The following TRPV3 variants were observed in gnomAD, a reference collection of about 807,000 sequenced individuals.
TRPV3 encodes transient receptor potential cation channel subfamily V member 3.
In TRPV3, 88 loss-of-function variants were observed where a neutral mutation model predicts 87.1. The ratio of observed to expected loss-of-function variants is 1.01; its 90% CI spans 0.85 to 1.21. The LOEUF is 1.21. Among genes scored for constraint, TRPV3 ranks in the 50% most tolerant of loss-of-function variants. TRPV3 has a pLI of 0.00. For synonymous variants in TRPV3, 438 were observed against 423.3 expected, an observed-to-expected ratio of 1.03 and a Z score of -0.43; for missense variants, 1,054 against 1,030.1, an observed-to-expected ratio of 1.02 and a Z score of -0.32.
chr17:3,529,331 C>T (rs542819004), intron 9 of TRPV3, among the ~76,000 whole-genome samples: 5 of 151,972 alleles, frequency 3.3e-5, no homozygotes, highest in African/African-American at 9.7e-5. Flanking sequence ...TAGGACAGAC[C>T]CTGACCCTCT....
At chr17:3,520,685 G>T (rs2074237537) in intron 14 of TRPV3, among the ~76,000 whole-genome samples, 1 of 152,128 alleles carries the variant, frequency 6.6e-6, no homozygotes, top group Admixed American at 6.5e-5. Context: ...GCTTGATTAG[G>T]AGATATACCT....
In TRPV3 at chr17:3,554,809, C is replaced by T. The variant is rs2074612025; in HGVS notation, c.42G>A (p.Lys14=). 2 of 1,612,808 alleles carry T rather than the reference C, an allele frequency of 1.2e-6. No homozygotes were observed. The highest frequency in any genetic ancestry group is 1.7e-6 in the Non-Finnish European group (2 of 1,179,570). The change falls in exon 2 of 18, where the codon AAG becomes AAA. Residue 14 remains lysine (K), a synonymous_variant. Coordinates refer to ENST00000576742, the MANE Select transcript of TRPV3 (RefSeq NM_145068.4). ...GGTTCCCACTGGGGGCAGCAACTCT[C>T]TTGCCCATGAGAGGCACCATCTCCT... ...HPKEMVPLMG[K]RVAAPSGNPA... is the part of the protein sequence containing the mutation.
At chr17:3,526,772 T>C (rs1043790885) in intron 12 of TRPV3, 82 bp downstream of exon 12, 1 of 1,128,236 alleles carries the variant, frequency 8.9e-7, no homozygotes, top group Non-Finnish European at 1.3e-6. Flanking sequence ...AGGATATTTG[T>C]TCAAGAGGCG....
At chr17:3,541,333 A>C (rs183267150) in intron 6 of TRPV3, among the ~76,000 whole-genome samples, 1 of 152,180 alleles carries the variant, frequency 6.6e-6, no homozygotes, top group Non-Finnish European at 1.5e-5. Flanking sequence ...GCGCCACTGC[A>C]CTCCAGCCTA....
intron 2 of TRPV3, among the ~76,000 whole-genome samples, chr17:3,547,616 T>G (rs532091023): frequency 3.3e-5 from 5 of 151,730 alleles, no homozygotes; most frequent in Non-Finnish European, 7.4e-5. Flanking sequence ...GGGAGACTCC[T>G]CTAGAAAAAA....
At chr17:3,538,174 G>C (rs375850483) in intron 6 of TRPV3, among the ~76,000 whole-genome samples, 2 of 150,812 alleles carry the variant, frequency 1.3e-5, no homozygotes, top group Non-Finnish European at 2.9e-5. Context: ...CTGGGCAATA[G>C]AGCAAGACCC....
intron 17 of TRPV3, 27 bp from the exon 18 acceptor site, chr17:3,514,038 A>T: frequency 6.5e-7 from 1 of 1,529,876 alleles, no homozygotes; most frequent in Non-Finnish European, 9.0e-7. Context: ...TATATATTTT[A>T]GAAATATATC....
chr17:3,515,381 C>T (rs1465480693), intron 16 of TRPV3, among the ~76,000 whole-genome samples: 1 of 152,128 alleles, frequency 6.6e-6, no homozygotes, highest in Non-Finnish European at 1.5e-5. Flanking sequence ...GTTCATGGGG[C>T]CGGGCACCGT....
At chr17:3,516,054 C>T (rs1032409820) in intron 16 of TRPV3, among the ~76,000 whole-genome samples, 10 of 151,956 alleles carry the variant, frequency 6.6e-5, no homozygotes, top group African/African-American at 2.2e-4. Flanking sequence ...GGGGTGGTGG[C>T]GCATGCCTGT....
chr17:3,514,470 A>G, intron 17 of TRPV3, 123 bp downstream of exon 17: 2 of 700,602 alleles, frequency 2.9e-6, no homozygotes, highest in African/African-American at 1.8e-5. Context: ...AGACCTAAGA[A>G]GCATTTCCAT....
Position 3,512,880 on chromosome 17 carries a change from A to C in TRPV3, c.*1037T>G, listed in dbSNP as rs934742481. The C allele has an allele frequency of 2.0e-5, 3 of 152,322 alleles. No individual in the cohort carries two copies. Among genetic ancestry groups the C allele is most frequent in the Non-Finnish European group, 4.4e-5 (3 of 68,030 alleles). The allele number at this position is 152,322 out of a possible 1,614,324, so 9.4% of individuals were successfully genotyped here. On this transcript the variant is annotated 3_prime_UTR_variant, in exon 18 of 18. Transcript: ENST00000576742. ...TTGTTAAATTCCCCCACTGAGACAT[A>C]CTGAGGTATGCGACTAACTGCTGAG...
intron 9 of TRPV3, 50 bp from the exon 10 acceptor site, chr17:3,529,045 G>T (rs2074325839): frequency 6.2e-7 from 1 of 1,608,250 alleles, no homozygotes; most frequent in South Asian, 1.1e-5. Context: ...AGAGAGGGAG[G>T]GACCGTTTTC....
At chr17:3,520,056 T>C (rs1445235920) in intron 14 of TRPV3, among the ~76,000 whole-genome samples, 1 of 151,580 alleles carries the variant, frequency 6.6e-6, no homozygotes, top group Admixed American at 6.6e-5. Flanking sequence ...AGAGAGTAAA[T>C]AGATGGATGA....
chr17:3,550,056 TGATGGATG>T (rs369513708), intron 2 of TRPV3, among the ~76,000 whole-genome samples: 2 of 150,554 alleles, frequency 1.3e-5, no homozygotes, highest in Admixed American at 6.6e-5. Flanking sequence ...GGTGAATAAA[TGATGGATG>T]GATGGATGGA....
chr17:3,516,387 C>A (rs968266392), intron 16 of TRPV3, 70 bp downstream of exon 16: 1 of 1,206,332 alleles, frequency 8.3e-7, no homozygotes, highest in South Asian at 1.2e-5. Flanking sequence ...TCTCTAACAT[C>A]CTGTCACCAT....
chr17:3,518,666 G>A lies in TRPV3; in HGVS notation c.1995C>T (p.Thr665=), dbSNP rs1273932450. 2.5e-6 allele frequency: 4 copies of A among 1,604,966 alleles called. No individual in the cohort carries two copies. The Admixed American group carries it at 6.9e-5, about 28-fold the overall frequency. ...LFLLITYVIL[T]FVLLLNMLIA... is the part of the protein sequence containing the mutation. ...TGAGCATGTTGAGGAGGAGAACAAAGGTGAGGATGACATAGGTGATGAGCA... is the reference window on the plus strand; with the variant it reads ...TGAGCATGTTGAGGAGGAGAACAAAAGTGAGGATGACATAGGTGATGAGCA... The change falls in exon 15 of 18, where the codon ACC becomes ACT. Residue 665 remains threonine (T), a synonymous_variant. Coordinates refer to ENST00000576742, the MANE Select transcript of TRPV3 (RefSeq NM_145068.4). The surrounding 1 kb of genome is among the most constrained non-coding windows in gnomAD (Gnocchi z 4.3).
intron 5 of TRPV3, 139 bp from the exon 6 acceptor site, chr17:3,542,837 G>A (rs1012738369): frequency 3.5e-5 from 30 of 853,812 alleles, no homozygotes; most frequent in South Asian, 2.0e-4. Flanking sequence ...ACACTTGGCC[G>A]CTCTCCTCCC....
At chr17:3,549,596 CAGATAAA>C (rs2074554240) in intron 2 of TRPV3, among the ~76,000 whole-genome samples, 1 of 152,068 alleles carries the variant, frequency 6.6e-6, no homozygotes, top group Admixed American at 6.6e-5. Context: ...TATAGATGCC[CAGATAAA>C]TGGATGAATG....
intron 3 of TRPV3, 86 bp downstream of exon 3, chr17:3,545,081 C>A (rs1427931644): frequency 1.2e-6 from 1 of 851,360 alleles, no homozygotes; most frequent in African/African-American, 1.7e-5. Context: ...CAGGCCTGGC[C>A]CCGTGACCCA....
Sources: allele counts gnomAD v4.1 joint callset (sites outside exome capture counted in the v4.1 genomes callset), GRCh38; gene constraint gnomAD v4.1.1; non-coding constraint Gnocchi (gnomAD v3.1); transcripts MANE v1.5; gene names NCBI Gene and HGNC (gene_info 2026-07-23, HGNC 2026-07-21).